POMGNT1: variants seen among roughly 807,000 people sequenced by gnomAD.
POMGNT1 encodes protein O-linked-mannose beta-1,2-N-acetylglucosaminyltransferase 1.
In POMGNT1, 67 loss-of-function variants were observed where a neutral mutation model predicts 95.6. The ratio of observed to expected loss-of-function variants is 0.70; its 90% CI spans 0.58 to 0.86. The LOEUF (loss-of-function observed/expected upper bound fraction) is 0.86. POMGNT1 is among the 40% of genes least tolerant of loss of function. POMGNT1 has a pLI of 0.00. For missense variants in POMGNT1, 719 were observed against 855.2 expected (o/e 0.84, Z 1.99); for synonymous variants, 298 against 317.9 (o/e 0.94, Z 0.66).
chr1:46,203,415 G>C (rs1364354600), upstream of POMGNT1: 1 of 1,450,044 alleles, frequency 6.9e-7, no homozygotes, highest in Non-Finnish European at 9.1e-7. Context: ...CCCTTTTCAG[G>C]CTTGGGCCCG....
At chr1:46,211,840 C>T (rs1167734950) in intron 1 of POMGNT1, among the ~76,000 whole-genome samples, 1 of 151,860 alleles carries the variant, frequency 6.6e-6, no homozygotes, top group African/African-American at 2.4e-5. Flanking sequence ...TCTCGGCTCA[C>T]TACAACCTCT....
chr1:46,219,180 A>C (rs911836481), intron 1 of POMGNT1, among the ~76,000 whole-genome samples: 3 of 152,054 alleles, frequency 2.0e-5, no homozygotes, highest in African/African-American at 7.2e-5. Context: ...CTGTAATCCC[A>C]GCTAATTGGG....
chr1:46,203,356 G>T, upstream of POMGNT1: 11 of 1,380,076 alleles, frequency 8.0e-6, no homozygotes, highest in Non-Finnish European at 9.6e-6. Flanking sequence ...CTTTAGCAGC[G>T]GCGAAGGGAG....
intron 17 of POMGNT1, chr1:46,191,048 C>T (rs892925037): frequency 6.8e-5 from 30 of 440,804 alleles, no homozygotes; most frequent in Admixed American, 3.7e-4. Flanking sequence ...ACTAGCAGTC[C>T]CTGCCTCTTG....
chr1:46,198,547 G>GCAGCGGCGT (rs1047446242), upstream of POMGNT1: 4 of 170,016 alleles, frequency 2.4e-5, no homozygotes, highest in African/African-American at 7.2e-5. Context: ...GGCGGTGGCG[G>GCAGCGGCGT]CAGCGGCGTC....
chr1:46,192,035 A>C, intron 17 of POMGNT1, 63 bp downstream of exon 17: 1 of 1,544,864 alleles, frequency 6.5e-7, no homozygotes, highest in Non-Finnish European at 8.9e-7. Flanking sequence ...ATTGCTTCAG[A>C]GTCCATGTTC....
At chr1:46,191,015 A>C (rs780980275) in intron 17 of POMGNT1, 276 of 514,540 alleles carry the variant, frequency 5.4e-4, no homozygotes, top group Admixed American at 8.1e-4. Flanking sequence ...GGCAGCTCAC[A>C]CTACTGCACC....
intron 1 of POMGNT1, among the ~76,000 whole-genome samples, chr1:46,207,919 G>C (rs1455424447): frequency 1.3e-5 from 2 of 151,832 alleles, no homozygotes; most frequent in African/African-American, 4.8e-5. Flanking sequence ...CCAGGCTGGA[G>C]TGCAATGGCG....
chr1:46,190,430 G>C (rs1460304840), intron 19 of POMGNT1, 43 bp downstream of exon 19: 5 of 1,537,386 alleles, frequency 3.3e-6, no homozygotes, highest in Non-Finnish European at 4.5e-6. Flanking sequence ...CCCAGTATTT[G>C]ACTCTTTGCT....
rs1401057618 is a variant in POMGNT1 at position 46,194,977 on chromosome 1, A to G, written c.535-16T>C. On this transcript the variant is annotated splice_polypyrimidine_tract_variant and intron_variant, in intron 6 of 21. Transcript: ENST00000371984. Reference sequence around the variant, plus strand: ...AGCCCTCATCCTGGGGGACCAGAGAAGGCAGTTAGCCTGACTGGCATGGTT... The same window carrying G: ...AGCCCTCATCCTGGGGGACCAGAGAGGGCAGTTAGCCTGACTGGCATGGTT... 6.2e-7 allele frequency: 1 copy of G among 1,613,050 alleles called. No individual in the cohort carries two copies. The highest frequency in any genetic ancestry group is 1.1e-5 in the South Asian group (1 of 91,068).
rs200199469 is a variant in POMGNT1 at position 46,203,553 on chromosome 1, C to A, written c.-50-5682G>T. 43 of 1,568,970 alleles carry A rather than the reference C, an allele frequency of 2.7e-5. No homozygotes were observed. The highest frequency in any genetic ancestry group is 2.7e-4 in the Admixed American group (14 of 52,190). ...GTGTGAGCTGGGAACCTCTGGCGCC[C>A]TGCTGCTCCCAGGGGCGTCTAGCAC... is the stretch of plus-strand genomic sequence containing the variant. On this transcript the variant is annotated intron_variant, in intron 1 of 22. Coordinates refer to the POMGNT1 transcript ENST00000371992.
chr1:46,209,671 C>A (rs1212655103), intron 1 of POMGNT1, among the ~76,000 whole-genome samples: 2 of 151,560 alleles, frequency 1.3e-5, no homozygotes, highest in Non-Finnish European at 1.5e-5. Flanking sequence ...CGCCACCACA[C>A]AGCTAATTTT....
intron 20 of POMGNT1, 135 bp downstream of exon 20, chr1:46,189,719 G>T: frequency 6.5e-7 from 1 of 1,549,648 alleles, no homozygotes; most frequent in Non-Finnish European, 8.7e-7. Context: ...GGACAAGGAG[G>T]TTGGAAGAGG....
chr1:46,189,913 C>T lies in POMGNT1; in HGVS notation c.1726G>A (p.Val576Met), dbSNP rs142895576. The change falls in exon 20 of 22, where the codon GTG (valine) becomes ATG (methionine). Residue 576 changes from valine to methionine, a missense_variant. Val to Met is a conservative substitution (Grantham distance 21, BLOSUM62 1). Transcript: ENST00000371984. Reference sequence around the variant, plus strand: ...TCTTTCTCCATTCGAATAAAGGCCACGTAGGTGTGGCCCTCTGTGTCTGGC... The same window carrying T: ...TCTTTCTCCATTCGAATAAAGGCCATGTAGGTGTGGCCCTCTGTGTCTGGC... ...FLPDTEGHTY[V>M]AFIRMEKDDD... The T allele has an allele frequency of 3.0e-5, 49 of 1,613,970 alleles. No individual in the cohort carries two copies. The highest frequency in any genetic ancestry group is 1.5e-4 in the African/African-American group (11 of 74,930).
At chr1:46,190,230 G>T in intron 19 of POMGNT1, 2 of 645,394 alleles carry the variant, frequency 3.1e-6, no homozygotes, top group Non-Finnish European at 2.6e-6. Context: ...ATTTTTAGTA[G>T]AGACAGGGTT....
chr1:46,197,072 G>C lies in POMGNT1; in HGVS notation c.133C>G (p.Leu45Val), dbSNP rs1412906385. 1.2e-6 allele frequency: 2 copies of C among 1,614,054 alleles called. No individual in the cohort carries two copies. Among genetic ancestry groups the C allele is most frequent in the Non-Finnish European group, 1.7e-6 (2 of 1,180,018 alleles). ...LRRFCQTGAVLFLLVTVIVNI... is the reference protein window; with the variant it reads ...LRRFCQTGAVVFLLVTVIVNI... ...ACAATGACAGTCACCAGCAGGAAAA[G>C]CACGGCCCCTGTCTGAGGGGAGGGG... Residue 45 changes from leucine to valine, a missense_variant, in exon 3 of 22, where the codon CTT becomes GTT. This residue lies in a region of POMGNT1 where 466 missense variants were observed against 517.4 expected (regional missense o/e 0.90). Transcript: ENST00000371984.
Position 46,192,181 on chromosome 1 carries a change from G to A in POMGNT1, c.1456C>T (p.Arg486Trp), listed in dbSNP as rs534543454. Residue 486 changes from arginine to tryptophan, a missense_variant, in exon 17 of 22, where the codon CGG becomes TGG. Around this residue, in one of 5 missense-constraint regions of POMGNT1, gnomAD observed 118 missense variants for 153.6 expected, o/e 0.77. Coordinates refer to ENST00000371984, the MANE Select transcript of POMGNT1 (RefSeq NM_017739.4). ...DMWMRMPEQR[R>W]GRECIIPDVS... ...TCAGGGATGATGCACTCTCGGCCCC[G>A]GCGTTGTTCAGGCATCCGCATCCAC... The A allele has an allele frequency of 2.4e-5, 39 of 1,614,176 alleles. No homozygotes were observed. In the South Asian group the frequency reaches 2.7e-4, roughly 11 times the overall value.
chr1:46,203,229 T>G, upstream of POMGNT1: 14 of 377,672 alleles, frequency 3.7e-5, no homozygotes, highest in East Asian at 8.3e-5. Flanking sequence ...GGGCCAGAGG[T>G]TGTGTGCGCA....
At position 46,219,717 on chromosome 1, in the gene POMGNT1, G is replaced by A. The variant is rs765003029; in HGVS notation, c.-63C>T. ...CCCCCAGGCTTACCTGCGAGCCATC[G>A]ATGTGAAGATCCTGCAGCAGCTGGT... On this transcript the variant is annotated 5_prime_UTR_variant, in exon 1 of 23. Transcript: ENST00000371992. 9.4e-6 allele frequency: 15 copies of A among 1,598,146 alleles called. No homozygotes were observed. Among genetic ancestry groups the A allele is most frequent in the South Asian group, 1.1e-5 (1 of 88,468 alleles).
Sources: allele counts gnomAD v4.1 joint callset (sites outside exome capture counted in the v4.1 genomes callset), GRCh38; gene constraint gnomAD v4.1.1; regional missense constraint gnomAD v4.1.1; transcripts MANE v1.5; gene names NCBI Gene and HGNC (gene_info 2026-07-23, HGNC 2026-07-21).